CD34: variants seen among roughly 807,000 people sequenced by gnomAD.
The protein encoded by CD34 is hematopoietic progenitor cell antigen CD34.
Under a neutral mutation model 40.1 loss-of-function variants are expected in CD34, and 34 were observed. The observed-to-expected ratio is 0.85, with a 90% confidence interval of 0.65 to 1.13. CD34 has a LOEUF of 1.13. Ranked by LOEUF, CD34 falls within the 50% of genes most tolerant of loss-of-function variation. The probability of loss-of-function intolerance (pLI) is 0.00; values close to 1 mark genes in which losing one functional copy is unlikely to be tolerated. For synonymous variants in CD34, 209 were observed against 190.0 expected (o/e 1.10, Z -0.82); for missense variants, 426 against 466.9 (o/e 0.91, Z 0.81).
In CD34 at chr1:207,911,111, C is replaced by G; in HGVS notation, c.-31G>C. 6.5e-7 allele frequency: 1 copy of G among 1,548,772 alleles called. No homozygotes were observed. Among genetic ancestry groups the G allele is most frequent in the Non-Finnish European group, 8.7e-7 (1 of 1,150,322 alleles). ...CCGCGCGGCTCCTAGAGAGACGCACCGAGTGGAAGACACTACTCGGCTTGG... is the reference window on the plus strand; with the variant it reads ...CCGCGCGGCTCCTAGAGAGACGCACGGAGTGGAAGACACTACTCGGCTTGG... On this transcript the variant is annotated 5_prime_UTR_variant, in exon 1 of 8. Transcript: ENST00000310833.
At chr1:207,910,287 C>T (rs1439426368) in intron 1 of CD34, among the ~76,000 whole-genome samples, 1 of 152,082 alleles carries the variant, frequency 6.6e-6, no homozygotes, top group Non-Finnish European at 1.5e-5. Context: ...GCAGGGGTGA[C>T]GGTTTTTGGT....
rs1233546369 is a variant in CD34 at position 207,885,381 on chromosome 1, T to C, written c.*2357A>G. ...CCAGCTGCCCCACCCCACCCCGCAA[T>C]ACACACACAGCCCTTCCTCCCAAAG... is the stretch of plus-strand genomic sequence containing the variant. On this transcript the variant is annotated 3_prime_UTR_variant, in exon 8 of 8. Coordinates refer to ENST00000310833, the MANE Select transcript of CD34 (RefSeq NM_001025109.2). The C allele has an allele frequency of 1.3e-5, 2 of 152,372 alleles. No individual in the cohort carries two copies. The highest frequency in any genetic ancestry group is 2.9e-5 in the Non-Finnish European group (2 of 68,122). 9.4% of individuals were successfully genotyped at this position (152,372 alleles called of 1,614,324 possible). A position where few individuals can be genotyped will look rare whatever the true frequency, so the allele number is the denominator to read the frequency against.
At position 207,881,002 on chromosome 1, in the gene CD34, C is replaced by A. The variant is rs1272812544; in HGVS notation, c.*6736G>T. 6 of 152,066 alleles carry A rather than the reference C, an allele frequency of 3.9e-5. No homozygotes were observed. The highest frequency in any genetic ancestry group is 8.8e-5 in the Non-Finnish European group (6 of 68,002). The allele number at this position is 152,066 out of a possible 1,614,324, so 9.4% of individuals were successfully genotyped here. On this transcript the variant is annotated 3_prime_UTR_variant, in exon 8 of 8. Coordinates refer to ENST00000310833, the MANE Select transcript of CD34 (RefSeq NM_001025109.2). Reference sequence around the variant, plus strand: ...ACCAAAACTATAAGGTCATGTTTAACAACAACAACAAAACATTTTATGAGG... The same window carrying A: ...ACCAAAACTATAAGGTCATGTTTAAAAACAACAACAAAACATTTTATGAGG...
At chr1:207,888,252 G>C in intron 7 of CD34, 1 of 877,394 alleles carries the variant, frequency 1.1e-6, no homozygotes, top group Non-Finnish European at 1.9e-6. Flanking sequence ...CAGAGGCCAA[G>C]ATTCAGACCT....
In CD34 at chr1:207,887,804, G is replaced by A. The variant is rs147168836; in HGVS notation, c.1092C>T (p.Thr364=). Residue 364 remains threonine (T), a synonymous_variant, in exon 8 of 8, where the codon ACC becomes ACT. Transcript: ENST00000310833. ...GGCCGTTTCTGGAGGTGGCCTGGCC[G>A]GTCCCGTTTTCCTGAGCCCCTCGGT... is the stretch of plus-strand genomic sequence containing the variant. ...SVNRGAQENG[T]GQATSRNGHS... 4.3e-5 allele frequency: 70 copies of A among 1,614,038 alleles called. No homozygotes were observed. The highest frequency in any genetic ancestry group is 6.7e-5 in the African/African-American group (5 of 74,890).
intron 3 of CD34, 121 bp from the exon 4 acceptor site, chr1:207,897,694 G>T: frequency 1.4e-6 from 1 of 730,746 alleles, no homozygotes; most frequent in South Asian, 1.6e-5. Context: ...GAGGTTTTAA[G>T]GAAAAGGACA....
At position 207,884,473 on chromosome 1, in the gene CD34, A is replaced by G. The variant is rs1558115431; in HGVS notation, c.*3265T>C. 1 of 152,250 alleles carries G rather than the reference A, an allele frequency of 6.6e-6. No homozygotes were observed. The highest frequency in any genetic ancestry group is 2.1e-4 in the South Asian group (1 of 4,834). The allele number at this position is 152,250 out of a possible 1,614,324, so 9.4% of individuals were successfully genotyped here. A position where few individuals can be genotyped will look rare whatever the true frequency, so the allele number is the denominator to read the frequency against. ...CATTTCGCGCAGTGTCTGGCACATC[A>G]TAAGACTTGATGAATGATTGAATGG... On this transcript the variant is annotated 3_prime_UTR_variant, in exon 8 of 8. Transcript: ENST00000310833.
rs1661983680 is a variant in CD34, at chr1:207,889,494, C to G, written c.725G>C (p.Cys242Ser). Residue 242 changes from cysteine (C) to serine (S), a missense_variant, in exon 5 of 8, where the codon TGT (cysteine) becomes TCT (serine). By Grantham distance (112) the Cys-to-Ser change is moderately radical. Coordinates refer to ENST00000310833, the MANE Select transcript of CD34 (RefSeq NM_001025109.2). ...TCTGTTGGCCAAGACCAGCAGTAGA[C>G]ACTGAGGCCTCACCTCAGACTGGGC... The part of the protein sequence containing the change: ...LLAQSEVRPQ[C>S]LLLVLANRTE... 1 of 1,613,732 alleles carries G rather than the reference C, an allele frequency of 6.2e-7. No homozygotes were observed. The highest frequency in any genetic ancestry group is 1.7e-5 in the Admixed American group (1 of 59,968).
chr1:207,901,838 A>C (rs1423026517), intron 1 of CD34, among the ~76,000 whole-genome samples: 1 of 152,160 alleles, frequency 6.6e-6, no homozygotes, highest in Non-Finnish European at 1.5e-5. Context: ...AGGCAGTTGC[A>C]TCTTCAAGGA....
intron 4 of CD34, among the ~76,000 whole-genome samples, chr1:207,897,003 G>C (rs2102300445): frequency 6.6e-6 from 1 of 152,072 alleles, no homozygotes; most frequent in African/African-American, 2.4e-5. Context: ...AGGAAAAACG[G>C]TTACATGGAA....
At position 207,911,040 on chromosome 1, in the gene CD34, G is replaced by A; in HGVS notation, c.41C>T (p.Pro14Leu). 6.3e-7 allele frequency: 1 copy of A among 1,593,348 alleles called. No individual in the cohort carries two copies. Among genetic ancestry groups the A allele is most frequent in the Non-Finnish European group, 8.5e-7 (1 of 1,173,278 alleles). The change falls in exon 1 of 8, where the codon CCG becomes CTG. Residue 14 changes from proline (P) to leucine (L), a missense_variant. Coordinates refer to ENST00000310833, the MANE Select transcript of CD34 (RefSeq NM_001025109.2). ...CAAGCAAAGCGCGGTCCAGCCCCGC[G>A]GCATCCTGGGCCCTGCGCGCGCGCC... ...RRGARAGPRM[P>L]RGWTALCLLS...
intron 1 of CD34, among the ~76,000 whole-genome samples, chr1:207,905,517 C>T (rs1341172197): frequency 6.6e-6 from 1 of 152,202 alleles, no homozygotes; most frequent in Admixed American, 6.5e-5. Context: ...CTAAAGCCTA[C>T]AATATTTACT....
At chr1:207,906,642 C>T (rs865918511) in intron 1 of CD34, among the ~76,000 whole-genome samples, 1 of 152,034 alleles carries the variant, frequency 6.6e-6, no homozygotes, top group Non-Finnish European at 1.5e-5. Context: ...GTCAGGAGTT[C>T]GAGACCAGCC....
intron 4 of CD34, chr1:207,889,844 T>C (rs1466908674): frequency 6.3e-7 from 1 of 1,574,972 alleles, no homozygotes. Flanking sequence ...CCATATCTTC[T>C]AGTATCTAAG....
At chr1:207,898,906 A>G (rs1662206578) in intron 3 of CD34, 67 bp downstream of exon 3, 1 of 1,552,194 alleles carries the variant, frequency 6.4e-7, no homozygotes, top group Admixed American at 1.7e-5. Flanking sequence ...GTGGAGGGAA[A>G]GAAACAGCTT....
chr1:207,888,698 G>C lies in CD34; in HGVS notation c.956C>G (p.Pro319Arg), dbSNP rs1661962421. Residue 319 changes from proline (P) to arginine (R), a missense_variant, in exon 7 of 8, where the codon CCC becomes CGC. Physicochemically the swap from Pro to Arg is moderately radical, Grantham distance 103 (BLOSUM62 -2). Transcript: ENST00000310833. ...AGAACTGACCAGCCTTTCTCCTGTG[G>C]GGCTCCAGCTGCGGCGATTCATCAG... Reference protein sequence around the residue: ...YFLMNRRSWSPTGERLGEDPY... With the variant: ...YFLMNRRSWSRTGERLGEDPY... The C allele has an allele frequency of 6.2e-7, 1 of 1,614,002 alleles. No individual in the cohort carries two copies. Among genetic ancestry groups the C allele is most frequent in the Admixed American group, 1.7e-5 (1 of 60,002 alleles).
At chr1:207,905,599 T>A (rs1200023699) in intron 1 of CD34, among the ~76,000 whole-genome samples, 1 of 152,180 alleles carries the variant, frequency 6.6e-6, no homozygotes. Flanking sequence ...GAAAAATAAA[T>A]AACTTTCTTT....
At position 207,886,865 on chromosome 1, in the gene CD34, C is replaced by G. The variant is rs1177532831; in HGVS notation, c.*873G>C. The stretch of plus-strand genomic sequence containing the variant: ...GGCAACAGCTCAACCCAGGAGTCGG[C>G]AGGAGGGAGGAGGAAGCCATGGAGA... On this transcript the variant is annotated 3_prime_UTR_variant, in exon 8 of 8. Transcript: ENST00000310833. 2.0e-5 allele frequency: 3 copies of G among 152,680 alleles called. No homozygotes were observed. The highest frequency in any genetic ancestry group is 4.8e-5 in the African/African-American group (2 of 41,406). The allele number at this position is 152,680 out of a possible 1,614,324, so 9.5% of individuals were successfully genotyped here.
chr1:207,906,127 G>T (rs1370508621), intron 1 of CD34, among the ~76,000 whole-genome samples: 3 of 152,088 alleles, frequency 2.0e-5, no homozygotes, highest in African/African-American at 4.8e-5. Context: ...ATCCCTCAAG[G>T]AGTTTGTAAT....
Sources: gnomAD v4.1 joint callset for allele counts (sites outside exome capture counted in the v4.1 genomes callset) on GRCh38, gnomAD v4.1.1 for gene constraint, MANE v1.5 for transcripts, NCBI Gene and HGNC (gene_info 2026-07-23, HGNC 2026-07-21) for gene names.